ANGPTL5: variants seen among roughly 807,000 people sequenced by gnomAD.
ANGPTL5 encodes the protein angiopoietin-related protein 5.
Under a neutral mutation model 39.4 loss-of-function variants are expected in ANGPTL5, and 34 were observed. That is an observed-to-expected ratio of 0.86 (90% CI 0.66 to 1.15). ANGPTL5 has a LOEUF of 1.15. Ranked by LOEUF, ANGPTL5 falls within the 50% of genes most tolerant of loss-of-function variation. The pLI, the probability that ANGPTL5 is intolerant of heterozygous loss-of-function variation, is 0.00. For synonymous variants in ANGPTL5, 146 were observed against 152.1 expected (o/e 0.96, Z 0.29); for missense variants, 467 against 457.5 (o/e 1.02, Z -0.19).
Position 101,910,424 on chromosome 11 carries a change from A to ATATAT in ANGPTL5, c.-92-2424_-92-2423insATATA, listed in dbSNP as rs1555048792. Among the ~76,000 whole-genome samples the ATATAT allele has an allele frequency of 8.5e-3, 1,081 of 127,026 alleles. 5 individuals are homozygous for ATATAT. Among genetic ancestry groups the ATATAT allele is most frequent in the Non-Finnish European group, 0.013 (805 of 61,754 alleles). 83.3% of individuals were successfully genotyped at this position (127,026 alleles called of 152,430 possible). On this transcript the variant is annotated intron_variant, in intron 1 of 8. Transcript: ENST00000334289. Reference sequence around the variant, plus strand: ...AAACTCCGTCTCAAAAAAAAAAAAAAATATATATATATATATATATATTCA... The same window carrying ATATAT: ...AAACTCCGTCTCAAAAAAAAAAAAAATATATATATATATATATATATATATATTCA...
chr11:101,897,909 G>T (rs1939827955), intron 7 of ANGPTL5, among the ~76,000 whole-genome samples: 1 of 152,162 alleles, frequency 6.6e-6, no homozygotes, highest in Non-Finnish European at 1.5e-5. Context: ...ATGGTAGCTT[G>T]ATGGGAATAG....
chr11:101,903,395 C>T (rs1002850551), intron 5 of ANGPTL5, among the ~76,000 whole-genome samples: 8 of 152,166 alleles, frequency 5.3e-5, no homozygotes, highest in Non-Finnish European at 1.2e-4. Flanking sequence ...AGATACTCTA[C>T]TCTGTAGCAT....
At chr11:101,901,977 A>C (rs1046777998) in intron 6 of ANGPTL5, among the ~76,000 whole-genome samples, 1 of 151,946 alleles carries the variant, frequency 6.6e-6, no homozygotes, top group South Asian at 2.1e-4. Context: ...ATACACACAC[A>C]CATATATATT....
intron 1 of ANGPTL5, among the ~76,000 whole-genome samples, chr11:101,910,420 A>T (rs57294690): frequency 0.013 from 1,629 of 128,286 alleles, 22 homozygotes; most frequent in East Asian, 0.049. Context: ...CAAAAAAAAA[A>T]AAAAATATAT....
At chr11:101,893,407 T>G (rs570556716) in intron 8 of ANGPTL5, among the ~76,000 whole-genome samples, 1 of 152,350 alleles carries the variant, frequency 6.6e-6, no homozygotes, top group South Asian at 2.1e-4. Flanking sequence ...CTGATCACAT[T>G]TAACCCATTG....
At chr11:101,894,480 T>C (rs558980516) in intron 8 of ANGPTL5, among the ~76,000 whole-genome samples, 31 of 152,322 alleles carry the variant, frequency 2.0e-4, no homozygotes, top group Non-Finnish European at 2.4e-4. Context: ...TCTGGGAACG[T>C]TGGGCAAGTC....
intron 1 of ANGPTL5, among the ~76,000 whole-genome samples, chr11:101,908,779 T>A (rs1168996503): frequency 2.9e-5 from 3 of 102,294 alleles, no homozygotes; most frequent in East Asian, 2.6e-4. Flanking sequence ...AGACTCCATC[T>A]CAAAAAAAAA....
At chr11:101,915,094 G>A in intron 1 of ANGPTL5, 1 of 774,108 alleles carries the variant, frequency 1.3e-6, no homozygotes, top group Non-Finnish European at 1.9e-6. Context: ...CGCTGCCTCA[G>A]CTGCCATCGC....
chr11:101,915,070 C>T (rs1940169239), intron 1 of ANGPTL5: 2 of 584,388 alleles, frequency 3.4e-6, no homozygotes, highest in Admixed American at 3.3e-5. Flanking sequence ...TCTGCTATTG[C>T]CCGGCGAGGT....
Position 101,894,951 on chromosome 11 carries a change from A to C in ANGPTL5, c.775T>G (p.Tyr259Asp). The C allele has an allele frequency of 6.2e-7, 1 of 1,613,116 alleles. No homozygotes were observed. Among genetic ancestry groups the C allele is most frequent in the Non-Finnish European group, 8.5e-7 (1 of 1,179,226 alleles). ...TCATCCTCTAGCCAAAAATTATCAT[A>C]TGATGCATAAGCAAGAGTGTCATCT... ...SEDDTLAYAS[Y>D]DNFWLEDETR... is the part of the protein sequence containing the mutation. The change falls in exon 8 of 9, where the codon TAT becomes GAT. Residue 259 changes from tyrosine (Y) to aspartate (D), a missense_variant. Tyr to Asp is a radical substitution (Grantham distance 160). Coordinates refer to ENST00000334289, the MANE Select transcript of ANGPTL5 (RefSeq NM_178127.5).
chr11:101,897,786 C>T (rs1422446579), intron 7 of ANGPTL5, among the ~76,000 whole-genome samples: 3 of 152,154 alleles, frequency 2.0e-5, no homozygotes, highest in Non-Finnish European at 4.4e-5. Context: ...AGTCAGGTAG[C>T]ATGATGCCTC....
rs182243647 is a variant in ANGPTL5 at position 101,891,571 on chromosome 11, T to A, written c.875A>T (p.Glu292Val). 9.5e-5 allele frequency: 153 copies of A among 1,614,020 alleles called. 1 individual carries two copies. In the East Asian group the frequency reaches 3.2e-3, roughly 34 times the overall value. ...AAAAGGCATTGCATTTTGATTATCT[T>A]CTTTTTTGAGACCCCGGAATGCATC... Reference protein sequence around the residue: ...AGDAFRGLKKEDNQNAMPFST... With the variant: ...AGDAFRGLKKVDNQNAMPFST... Residue 292 changes from glutamate to valine, a missense_variant, in exon 9 of 9, where the codon GAA becomes GTA. Physicochemically the swap from Glu to Val is moderately radical, Grantham distance 121 (BLOSUM62 -2). Transcript: ENST00000334289.
chr11:101,914,889 A>C, intron 1 of ANGPTL5: 1 of 188,842 alleles, frequency 5.3e-6, no homozygotes, highest in Non-Finnish European at 1.1e-5. Context: ...GTCCCTAGGG[A>C]TGCTTGGGTT....
chr11:101,902,612 G>C lies in ANGPTL5; in HGVS notation c.540+9C>G. 6.4e-7 allele frequency: 1 copy of C among 1,572,844 alleles called. No individual in the cohort carries two copies. The highest frequency in any genetic ancestry group is 8.7e-7 in the Non-Finnish European group (1 of 1,143,786). ...CATAATACGGGAAAACTTCAAATAC[G>C]GGAAATACCTCAAATGGGTAGCTAG... On this transcript the variant is annotated intron_variant, in intron 6 of 8. Coordinates refer to ENST00000334289, the MANE Select transcript of ANGPTL5 (RefSeq NM_178127.5).
At chr11:101,894,043 A>G (rs547172314) in intron 8 of ANGPTL5, among the ~76,000 whole-genome samples, 1 of 152,360 alleles carries the variant, frequency 6.6e-6, no homozygotes, top group African/African-American at 2.4e-5. Flanking sequence ...ATCTAACATT[A>G]ACAGCTTGTT....
intron 3 of ANGPTL5, among the ~76,000 whole-genome samples, chr11:101,906,619 C>G (rs1030683795): frequency 6.6e-6 from 1 of 152,052 alleles, no homozygotes; most frequent in Non-Finnish European, 1.5e-5. Context: ...GAGTTTTACC[C>G]AAGATAGTAA....
At chr11:101,915,233 TGCCATGAGGGAGGTTCTGGGGGCGA>T (rs1455184178) in intron 1 of ANGPTL5, 1 of 1,606,050 alleles carries the variant, frequency 6.2e-7, no homozygotes, top group African/African-American at 1.3e-5. Context: ...AAGCCGGAGC[TGCCATGAGGGAGGTTCTGGGGGCGA>T]GCAGACAGGC....
At chr11:101,912,013 C>CGTCA (rs1406393369) in intron 1 of ANGPTL5, among the ~76,000 whole-genome samples, 7 of 152,224 alleles carry the variant, frequency 4.6e-5, no homozygotes, top group African/African-American at 1.7e-4. Flanking sequence ...ACAGATAGAA[C>CGTCA]TGACATTGGT....
rs1311379985 is a variant in ANGPTL5 at position 101,916,110 on chromosome 11, G to C, written c.-184C>G. The stretch of plus-strand genomic sequence containing the variant: ...TGTAAATCAGGTTTATTCCTTTAGA[G>C]ACTGTTGTGATGATTAGGATTTAAC... On this transcript the variant is annotated 5_prime_UTR_variant, in exon 1 of 9. Coordinates refer to ENST00000334289, the MANE Select transcript of ANGPTL5 (RefSeq NM_178127.5). 6.6e-6 allele frequency: 1 copy of C among 152,228 alleles called. No individual in the cohort carries two copies. Among genetic ancestry groups the C allele is most frequent in the Non-Finnish European group, 1.5e-5 (1 of 68,040 alleles). 9.4% of individuals were successfully genotyped at this position (152,228 alleles called of 1,614,324 possible).
Sources: gnomAD v4.1 joint callset for allele counts (sites outside exome capture counted in the v4.1 genomes callset) on GRCh38, gnomAD v4.1.1 for gene constraint, MANE v1.5 for transcripts, NCBI Gene and HGNC (gene_info 2026-07-23, HGNC 2026-07-21) for gene names.